The following HBS1L variants were observed in gnomAD, a reference collection of about 807,000 sequenced individuals.
The protein encoded by HBS1L is HBS1-like protein.
HBS1L carries 55 observed loss-of-function variants against 88.9 expected under a neutral mutation model. The observed-to-expected ratio is 0.62, with a 90% CI of 0.50 to 0.77. The LOEUF (loss-of-function observed/expected upper bound fraction) is 0.77. Ranked by LOEUF, HBS1L falls within the 30% of genes least tolerant of loss-of-function variation. The pLI, the probability that HBS1L is intolerant of heterozygous loss-of-function variation, is 0.00. For synonymous variants in HBS1L, 267 were observed against 288.5 expected (o/e 0.93, Z 0.76); for missense variants, 741 against 829.3 (o/e 0.89, Z 1.31).
intron 5 of HBS1L, among the ~76,000 whole-genome samples, chr6:135,001,976 A>T (rs1015280623): frequency 6.6e-6 from 1 of 151,728 alleles, no homozygotes; most frequent in African/African-American, 2.4e-5. Flanking sequence ...TATATATATA[A>T]AAATCTATTG....
chr6:135,036,188 G>T, intron 4 of HBS1L: 1 of 885,250 alleles, frequency 1.1e-6, no homozygotes, highest in Non-Finnish European at 1.4e-6. Context: ...AATCCCAAGT[G>T]CTGGCATTTT....
intron 16 of HBS1L, among the ~76,000 whole-genome samples, chr6:134,967,108 G>C (rs1372617480): frequency 2.0e-5 from 3 of 152,176 alleles, no homozygotes; most frequent in Non-Finnish European, 4.4e-5. Context: ...AAGGAAGACA[G>C]GGCATGGACC....
chr6:134,989,496 T>TC (rs1408389010), intron 8 of HBS1L, among the ~76,000 whole-genome samples: 3 of 152,148 alleles, frequency 2.0e-5, no homozygotes, highest in Non-Finnish European at 2.9e-5. Context: ...CTTTGTTGCT[T>TC]CCCCAATGAC....
At position 135,039,726 on chromosome 6, in the gene HBS1L, C is replaced by G; in HGVS notation, c.277G>C (p.Gly93Arg). The G allele has an allele frequency of 6.2e-7, 1 of 1,613,908 alleles. No homozygotes were observed. The highest frequency in any genetic ancestry group is 1.3e-5 in the African/African-American group (1 of 75,048). Residue 93 changes from glycine to arginine, a missense_variant, in exon 4 of 18, where the codon GGA (glycine) becomes CGA (arginine). By Grantham distance (125) the Gly-to-Arg change is moderately radical. This residue lies in a region of HBS1L where 556 missense variants were observed against 598.4 expected (regional missense o/e 0.93). Transcript: ENST00000367837. The part of the protein sequence containing the change: ...SCLDHMREVL[G>R]DAVPDEILIE... ...AATATTTCATCTGGCACAGCATCTC[C>G]AAGTACCTCTCTCATGTGATCAAGG...
At chr6:135,011,200 G>A (rs2114835065) in intron 4 of HBS1L, among the ~76,000 whole-genome samples, 1 of 152,258 alleles carries the variant, frequency 6.6e-6, no homozygotes, top group Non-Finnish European at 1.5e-5. Flanking sequence ...AGGTAAGACA[G>A]ATATACAAAT....
intron 1 of HBS1L, among the ~76,000 whole-genome samples, chr6:135,052,709 T>A (rs1450971866): frequency 6.6e-6 from 1 of 152,236 alleles, no homozygotes; most frequent in Non-Finnish European, 1.5e-5. Flanking sequence ...TCATAGTTTG[T>A]TTCCTCAATC....
intron 4 of HBS1L, among the ~76,000 whole-genome samples, chr6:135,033,983 A>G (rs1399626568): frequency 6.6e-6 from 1 of 152,232 alleles, no homozygotes; most frequent in Non-Finnish European, 1.5e-5. Flanking sequence ...TCAAGACCAG[A>G]AAAACAATCT....
intron 15 of HBS1L, among the ~76,000 whole-genome samples, chr6:134,974,991 T>C (rs1301227136): frequency 6.6e-6 from 1 of 152,192 alleles, no homozygotes; most frequent in Non-Finnish European, 1.5e-5. Context: ...GCCAATGATA[T>C]AATTACATAC....
At chr6:135,021,338 T>G in intron 4 of HBS1L, among the ~76,000 whole-genome samples, 1 of 152,054 alleles carries the variant, frequency 6.6e-6, no homozygotes, top group Non-Finnish European at 1.5e-5. Context: ...ACAATATTAT[T>G]TAAGCTGGTA....
chr6:135,015,074 T>C lies in HBS1L; in HGVS notation c.431-12232A>G, dbSNP rs11970294. 5.5e-4 allele frequency among the ~76,000 whole-genome samples: 83 copies of C among 151,910 alleles called. 1 individual carries two copies. The highest frequency in any genetic ancestry group is 1.9e-3 in the African/African-American group (77 of 41,430). On this transcript the variant is annotated intron_variant, in intron 4 of 17. Coordinates refer to ENST00000367837, the MANE Select transcript of HBS1L (RefSeq NM_006620.4). ...ACAAAAAACAACCCAGACATACAGA[T>C]AGAAATCCATAGAAAACAGTTGGAT...
At chr6:135,042,874 G>GA (rs1776788492) in intron 2 of HBS1L, among the ~76,000 whole-genome samples, 1 of 150,900 alleles carries the variant, frequency 6.6e-6, no homozygotes, top group South Asian at 2.1e-4. Context: ...AATTTTGCCT[G>GA]AATCTAAGAG....
rs767321403 is a variant in HBS1L, at chr6:134,985,353, C to G, written c.1480G>C (p.Asp494His). ...IDKPFRLCVS[D>H]VFKDQGSGFC... The stretch of plus-strand genomic sequence containing the variant: ...AGGTAGCACTTACCTTTGAAAACAT[C>G]GGACACACATAATCTAAAAGGTTTG... The change falls in exon 12 of 18, where the codon GAT (aspartate) becomes CAT (histidine). Residue 494 changes from aspartate (D) to histidine (H), a missense_variant. Asp to His is a moderately conservative substitution (Grantham distance 81). Transcript: ENST00000367837. The G allele has an allele frequency of 5.0e-6, 8 of 1,603,594 alleles. No individual in the cohort carries two copies. In the African/African-American group the frequency reaches 9.4e-5, roughly 19 times the overall value.
intron 4 of HBS1L, among the ~76,000 whole-genome samples, chr6:135,005,857 T>C (rs1426143612): frequency 6.6e-6 from 1 of 152,198 alleles, no homozygotes; most frequent in Non-Finnish European, 1.5e-5. Context: ...ATTTTCTCCA[T>C]AATACAGCAC....
intron 3 of HBS1L, 135 bp downstream of exon 3, chr6:135,041,866 G>T: frequency 2.9e-6 from 2 of 697,544 alleles, no homozygotes; most frequent in Non-Finnish European, 2.3e-6. Context: ...AACATAAACT[G>T]TCCTTGAATA....
At chr6:134,970,110 A>C (rs1474419386) in intron 15 of HBS1L, among the ~76,000 whole-genome samples, 1 of 152,062 alleles carries the variant, frequency 6.6e-6, no homozygotes, top group Non-Finnish European at 1.5e-5. Flanking sequence ...AGTCACCTCT[A>C]GTTGTGTGAA....
intron 5 of HBS1L, 111 bp downstream of exon 5, chr6:135,002,623 T>G: frequency 1.5e-6 from 1 of 653,590 alleles, no homozygotes; most frequent in East Asian, 2.8e-5. Flanking sequence ...GATACTTCAG[T>G]GCTAATGATA....
At chr6:135,039,166 A>C (rs1025034750) in intron 4 of HBS1L, among the ~76,000 whole-genome samples, 5 of 152,064 alleles carry the variant, frequency 3.3e-5, no homozygotes, top group Non-Finnish European at 5.9e-5. Flanking sequence ...TACAAACAAA[A>C]AAAAAAGCCA....
intron 4 of HBS1L, chr6:135,038,115 G>A: frequency 3.0e-6 from 3 of 988,370 alleles, no homozygotes; most frequent in Non-Finnish European, 4.3e-6. Context: ...CATGAAATGA[G>A]GCATTTAATT....
At chr6:134,981,484 A>G (rs1424936075) in intron 13 of HBS1L, among the ~76,000 whole-genome samples, 4 of 151,936 alleles carry the variant, frequency 2.6e-5, no homozygotes, top group Non-Finnish European at 5.9e-5. Context: ...AATTTCTTAA[A>G]CTTTTCAAGA....
Sources: allele counts gnomAD v4.1 joint callset (sites outside exome capture counted in the v4.1 genomes callset), GRCh38; gene constraint gnomAD v4.1.1; regional missense constraint gnomAD v4.1.1; transcripts MANE v1.5; gene names NCBI Gene and HGNC (gene_info 2026-07-23, HGNC 2026-07-21).